SPRING1: variants seen among roughly 807,000 people sequenced by gnomAD.
The protein encoded by SPRING1 is SREBP regulating gene protein.
In SPRING1, 14 loss-of-function variants were observed where a neutral mutation model predicts 24.7. The ratio of observed to expected loss-of-function variants is 0.57; its 90% confidence interval spans 0.37 to 0.88. The LOEUF (loss-of-function observed/expected upper bound fraction) is 0.88. Ranked by LOEUF, SPRING1 falls within the 40% of genes least tolerant of loss-of-function variation. The probability of loss-of-function intolerance (pLI) is 0.00; values close to 1 mark genes in which losing one functional copy is unlikely to be tolerated. For synonymous variants in SPRING1, 93 were observed against 106.1 expected, an observed-to-expected ratio of 0.88 and a Z score of 0.76; for missense variants, 255 against 268.4, an observed-to-expected ratio of 0.95 and a Z score of 0.35.
intron 1 of SPRING1, among the ~76,000 whole-genome samples, chr12:116,727,887 A>C (rs552087126): frequency 3.7e-4 from 57 of 152,220 alleles, no homozygotes; most frequent in African/African-American, 9.1e-4. Context: ...ATATATATAT[A>C]TCTCTCTCTC....
intron 1 of SPRING1, among the ~76,000 whole-genome samples, chr12:116,729,543 T>G: frequency 6.6e-6 from 1 of 152,252 alleles, no homozygotes; most frequent in Non-Finnish European, 1.5e-5. Flanking sequence ...ACAGCGTTAT[T>G]CATAATAACT....
rs1392848737 is a variant in SPRING1 at position 116,715,706 on chromosome 12, C to T, written c.*2104G>A. ...AGAGACAGGGGGAAGAGGACTAGAC[C>T]TGGAGTCAGAGATGAAGTTCTTGTC... On this transcript the variant is annotated 3_prime_UTR_variant, in exon 5 of 5. Transcript: ENST00000261318. 6.6e-6 allele frequency: 1 copy of T among 152,154 alleles called. No individual in the cohort carries two copies. Among genetic ancestry groups the T allele is most frequent in the Non-Finnish European group, 1.5e-5 (1 of 68,052 alleles). The allele number at this position is 152,154 out of a possible 1,614,324, so 9.4% of individuals were successfully genotyped here. A position where few individuals can be genotyped will look rare whatever the true frequency, so the allele number is the denominator to read the frequency against.
At chr12:116,721,772 T>C (rs1168796969) in intron 2 of SPRING1, among the ~76,000 whole-genome samples, 1 of 152,236 alleles carries the variant, frequency 6.6e-6, no homozygotes, top group East Asian at 1.9e-4. Flanking sequence ...AATAAACACA[T>C]AGCAACTGTA....
At position 116,717,989 on chromosome 12, in the gene SPRING1, T is replaced by A; in HGVS notation, c.535-96A>T. ...TGAGAGTGGATCGGGACTGTCAGAC[T>A]CTCCCTGCAGGGGGCTGGCCGAGTC... is the stretch of plus-strand genomic sequence containing the variant. On this transcript the variant is annotated intron_variant, in intron 4 of 4. Coordinates refer to ENST00000261318, the MANE Select transcript of SPRING1 (RefSeq NM_024738.4). The surrounding 1 kb of genome is among the most constrained non-coding windows in gnomAD (Gnocchi z 4.2). 9.4e-7 allele frequency: 1 copy of A among 1,059,200 alleles called. No individual in the cohort carries two copies. Among genetic ancestry groups the A allele is most frequent in the Non-Finnish European group, 1.3e-6 (1 of 763,660 alleles). The allele number at this position is 1,059,200 out of a possible 1,614,324, so 65.6% of individuals were successfully genotyped here.
Position 116,719,950 on chromosome 12 carries a change from A to C in SPRING1, c.421-74T>G. On this transcript the variant is annotated intron_variant, in intron 3 of 4. Transcript: ENST00000261318. ...AAGGTGACCTTGGCTATCTCTCCTA[A>C]ACTAAGAGAATGCTGATACAGGGAA... is the stretch of plus-strand genomic sequence containing the variant. 12 of 1,256,860 alleles carry C rather than the reference A, an allele frequency of 9.5e-6. 1 individual carries two copies. The highest frequency in any genetic ancestry group is 1.3e-5 in the Non-Finnish European group (11 of 863,560). 77.9% of individuals were successfully genotyped at this position (1,256,860 alleles called of 1,614,324 possible). A position where few individuals can be genotyped will look rare whatever the true frequency, so the allele number is the denominator to read the frequency against.
chr12:116,721,300 G>A (rs1370781753), intron 2 of SPRING1, among the ~76,000 whole-genome samples: 1 of 152,190 alleles, frequency 6.6e-6, no homozygotes, highest in East Asian at 1.9e-4. Context: ...AGTCCCAGGT[G>A]CACACATGAG....
At chr12:116,733,618 C>G (rs1871098917) in intron 1 of SPRING1, among the ~76,000 whole-genome samples, 2 of 151,998 alleles carry the variant, frequency 1.3e-5, no homozygotes, top group East Asian at 1.9e-4. Context: ...GTGTTTTCAG[C>G]TAAGTGTTAA....
Position 116,710,210 on chromosome 12 carries a change from T to C in SPRING1, c.*7600A>G, listed in dbSNP as rs1869814809. On this transcript the variant is annotated 3_prime_UTR_variant, in exon 5 of 5. Coordinates refer to ENST00000261318, the MANE Select transcript of SPRING1 (RefSeq NM_024738.4). ...TATGGACAGCAGGGTCCTACCTTTA[T>C]TTACATACAAATACAAAATCCACGT... The C allele has an allele frequency of 6.6e-6, 1 of 152,212 alleles. No individual in the cohort carries two copies. The highest frequency in any genetic ancestry group is 1.5e-5 in the Non-Finnish European group (1 of 68,044). The allele number at this position is 152,212 out of a possible 1,614,324, so 9.4% of individuals were successfully genotyped here. A position where few individuals can be genotyped will look rare whatever the true frequency, so the allele number is the denominator to read the frequency against.
In SPRING1 at chr12:116,711,935, TG is replaced by T. The variant is rs1367809077; in HGVS notation, c.*5874del. The stretch of plus-strand genomic sequence containing the variant: ...CGGCTGCCAACACCACTTTCGATTT[TG>T]GGATAATCTGGGTGCACAGTGATCA... On this transcript the variant is annotated 3_prime_UTR_variant, in exon 5 of 5. Transcript: ENST00000261318. 6.6e-6 allele frequency: 1 copy of T among 152,134 alleles called. No individual in the cohort carries two copies. The highest frequency in any genetic ancestry group is 2.4e-5 in the African/African-American group (1 of 41,420). 9.4% of individuals were successfully genotyped at this position (152,134 alleles called of 1,614,324 possible). A position where few individuals can be genotyped will look rare whatever the true frequency, so the allele number is the denominator to read the frequency against.
At chr12:116,731,000 G>A (rs909489954) in intron 1 of SPRING1, among the ~76,000 whole-genome samples, 10 of 152,186 alleles carry the variant, frequency 6.6e-5, no homozygotes, top group African/African-American at 2.4e-4. Context: ...GAAAAAAAGT[G>A]GCTACTTAAG....
At chr12:116,723,665 A>G (rs1298734890) in intron 1 of SPRING1, among the ~76,000 whole-genome samples, 1 of 152,230 alleles carries the variant, frequency 6.6e-6, no homozygotes, top group Non-Finnish European at 1.5e-5. Flanking sequence ...CATCTCAGAC[A>G]TCTAGAGCAC....
chr12:116,735,296 G>A (rs1327306545), intron 1 of SPRING1, among the ~76,000 whole-genome samples: 1 of 152,172 alleles, frequency 6.6e-6, no homozygotes, highest in East Asian at 1.9e-4. Flanking sequence ...GTTGCCGGGG[G>A]CTGGGGAAAG....
chr12:116,737,908 C>A lies in SPRING1; in HGVS notation c.-8G>T. 6.5e-7 allele frequency: 1 copy of A among 1,546,186 alleles called. No individual in the cohort carries two copies. The highest frequency in any genetic ancestry group is 1.9e-5 in the Admixed American group (1 of 52,084). On this transcript the variant is annotated 5_prime_UTR_variant, in exon 1 of 5. Coordinates refer to ENST00000261318, the MANE Select transcript of SPRING1 (RefSeq NM_024738.4). ...GGCCGCCAGGTTCACCATCCCGGCG[C>A]GGACGTGGGGCGCGGCGGCCGGGGC...
In SPRING1 at chr12:116,716,232, T is replaced by G. The variant is rs971621527; in HGVS notation, c.*1578A>C. 6.6e-6 allele frequency: 1 copy of G among 152,168 alleles called. No homozygotes were observed. The highest frequency in any genetic ancestry group is 6.5e-5 in the Admixed American group (1 of 15,280). 9.4% of individuals were successfully genotyped at this position (152,168 alleles called of 1,614,324 possible). A position where few individuals can be genotyped will look rare whatever the true frequency, so the allele number is the denominator to read the frequency against. The stretch of plus-strand genomic sequence containing the variant: ...CAGCTTACCTTCTAGGAAAACTTAT[T>G]TAAGGGAGGCAAATAATTTGGGGAG... On this transcript the variant is annotated 3_prime_UTR_variant, in exon 5 of 5. Coordinates refer to ENST00000261318, the MANE Select transcript of SPRING1 (RefSeq NM_024738.4).
At chr12:116,733,760 A>G (rs1000807966) in intron 1 of SPRING1, among the ~76,000 whole-genome samples, 1 of 152,234 alleles carries the variant, frequency 6.6e-6, no homozygotes, top group African/African-American at 2.4e-5. Flanking sequence ...ACAGTAGTAC[A>G]CAGTAATGTG....
chr12:116,723,843 A>G (rs1411193430), intron 1 of SPRING1, among the ~76,000 whole-genome samples: 1 of 152,202 alleles, frequency 6.6e-6, no homozygotes, highest in Non-Finnish European at 1.5e-5. Context: ...CAGGCCGGCC[A>G]GCCCTCTACC....
chr12:116,732,138 G>A (rs1871004990), intron 1 of SPRING1, among the ~76,000 whole-genome samples: 8 of 152,178 alleles, frequency 5.3e-5, no homozygotes, highest in Admixed American at 5.2e-4. Context: ...CAGATCCCAA[G>A]ATCTAAAGGA....
In SPRING1 at chr12:116,720,535, A is replaced by C; in HGVS notation, c.269-88T>G. ...GACCATGAAGCAGCAGTGAAAGTAC[A>C]CAGACAGAAGCTGGAGTCTGGGGCA... On this transcript the variant is annotated intron_variant, in intron 2 of 4. Coordinates refer to ENST00000261318, the MANE Select transcript of SPRING1 (RefSeq NM_024738.4). This position sits in a 1 kb window ranked among gnomAD's most constrained non-coding sequence, Gnocchi z 4.0. 1 of 1,527,504 alleles carries C rather than the reference A, an allele frequency of 6.5e-7. No homozygotes were observed. The highest frequency in any genetic ancestry group is 8.9e-7 in the Non-Finnish European group (1 of 1,122,924). 94.6% of individuals were successfully genotyped at this position (1,527,504 alleles called of 1,614,324 possible).
intron 1 of SPRING1, among the ~76,000 whole-genome samples, chr12:116,737,480 G>T (rs1871293853): frequency 6.7e-6 from 1 of 148,566 alleles, no homozygotes; most frequent in Admixed American, 6.7e-5. Context: ...GGAAAAAGGG[G>T]AGGAAAGAAG....
Sources: allele counts gnomAD v4.1 joint callset (sites outside exome capture counted in the v4.1 genomes callset), GRCh38; gene constraint gnomAD v4.1.1; non-coding constraint Gnocchi (gnomAD v3.1); transcripts MANE v1.5; gene names NCBI Gene and HGNC (gene_info 2026-07-23, HGNC 2026-07-21).